The following CEMIP variants were observed in gnomAD, a reference collection of about 807,000 sequenced individuals.
CEMIP encodes cell migration inducing hyaluronidase 1, also known as cell migration-inducing and hyaluronan-binding protein.
A neutral mutation model predicts 156.9 loss-of-function variants in CEMIP; 105 were observed. The observed-to-expected ratio is 0.67, with a 90% confidence interval of 0.57 to 0.79. The LOEUF is 0.79. CEMIP is among the 30% of genes least tolerant of loss of function. CEMIP has a pLI of 0.00. For synonymous variants in CEMIP, 676 were observed against 668.4 expected (o/e 1.01, Z -0.17); for missense variants, 1,457 against 1,769.4 (o/e 0.82, Z 3.17).
At chr15:80,897,093 C>T (rs145728456) in intron 12 of CEMIP, among the ~76,000 whole-genome samples, 148 of 152,012 alleles carry the variant, frequency 9.7e-4, no homozygotes, top group Admixed American at 1.6e-3. Flanking sequence ...ATGGCTGTTC[C>T]GCAAAGGAAA....
intron 1 of CEMIP, among the ~76,000 whole-genome samples, chr15:80,786,518 AC>A (rs1360567516): frequency 6.7e-6 from 1 of 150,008 alleles, no homozygotes; most frequent in Non-Finnish European, 1.5e-5. Context: ...GAGCCATTGC[AC>A]CCAGCCTGCT....
intron 1 of CEMIP, among the ~76,000 whole-genome samples, chr15:80,843,800 GC>G (rs1157683809): frequency 5.3e-5 from 8 of 152,146 alleles, no homozygotes; most frequent in Non-Finnish European, 1.2e-4. Flanking sequence ...CTGTCACCCA[GC>G]CCCCAGCAGC....
chr15:80,942,134 C>T, intron 26 of CEMIP, 81 bp downstream of exon 26: 1 of 1,501,778 alleles, frequency 6.7e-7, no homozygotes, highest in Non-Finnish European at 9.3e-7. Flanking sequence ...CGGGCCCAGA[C>T]CCAATTAGGT....
At chr15:80,896,489 C>G (rs1042402576) in intron 12 of CEMIP, 1 of 377,640 alleles carries the variant, frequency 2.6e-6, no homozygotes, top group Non-Finnish European at 5.2e-6. Flanking sequence ...AAGCATATGT[C>G]TGTCACCAAG....
At chr15:80,888,345 C>T (rs1459895927) in intron 8 of CEMIP, among the ~76,000 whole-genome samples, 1 of 152,022 alleles carries the variant, frequency 6.6e-6, no homozygotes, top group Non-Finnish European at 1.5e-5. Context: ...AGAGCTAAAG[C>T]GACACTTTAG....
chr15:80,854,309 G>A lies in CEMIP; in HGVS notation c.-175-19229G>A, dbSNP rs186531873. Among the ~76,000 whole-genome samples the A allele has an allele frequency of 4.0e-3, 605 of 152,368 alleles. 4 individuals carry two copies. Among genetic ancestry groups the A allele is most frequent in the Non-Finnish European group, 7.1e-3 (483 of 68,042 alleles). ...AATGTAGCCAGAGCCTGAGGCGGGG[G>A]CTCTTCTCCCTGCCTGGCAACTTCT... On this transcript the variant is annotated intron_variant, in intron 1 of 29. Transcript: ENST00000394685.
At chr15:80,859,804 G>A (rs770815370) in intron 1 of CEMIP, among the ~76,000 whole-genome samples, 10 of 152,218 alleles carry the variant, frequency 6.6e-5, no homozygotes, top group South Asian at 6.2e-4. Flanking sequence ...TTTTCCTTTA[G>A]TTGGTGGAGA....
Position 80,922,078 on chromosome 15 carries a change from T to C in CEMIP, c.2143T>C (p.Tyr715His). ...GPSVGMYSPG[Y>H]SEHIPLGKFY... ...CTCCGTGGGAATGTACTCCCCAGGT[T>C]ATTCAGAGCACATTCCACTGGGAAA... The change falls in exon 17 of 30, where the codon TAT becomes CAT. Residue 715 changes from tyrosine (Y) to histidine (H), a missense_variant. Physicochemically the swap from Tyr to His is moderately conservative, Grantham distance 83. Around this residue, in one of 5 missense-constraint regions of CEMIP, gnomAD observed 798 missense variants for 980.1 expected, o/e 0.81. Coordinates refer to ENST00000394685, the MANE Select transcript of CEMIP (RefSeq NM_001293298.2). 1 of 1,614,168 alleles carries C rather than the reference T, an allele frequency of 6.2e-7. No homozygotes were observed.
chr15:80,871,586 C>T (rs1425027344), intron 1 of CEMIP, among the ~76,000 whole-genome samples: 6 of 152,296 alleles, frequency 3.9e-5, no homozygotes, highest in African/African-American at 1.4e-4. Flanking sequence ...TGCCCCCGCC[C>T]AGCCTGCCTC....
chr15:80,861,929 G>A (rs1274326705), intron 1 of CEMIP, among the ~76,000 whole-genome samples: 1 of 152,188 alleles, frequency 6.6e-6, no homozygotes, highest in Non-Finnish European at 1.5e-5. Context: ...TGAACTCTGT[G>A]ATCTAGCTGC....
chr15:80,865,713 A>C (rs1296451334), intron 1 of CEMIP, among the ~76,000 whole-genome samples: 1 of 150,452 alleles, frequency 6.6e-6, no homozygotes, highest in Non-Finnish European at 1.5e-5. Context: ...GTGGCCCAAG[A>C]CAATTCTTCT....
chr15:80,860,066 C>T (rs1897948901), intron 1 of CEMIP, among the ~76,000 whole-genome samples: 1 of 152,166 alleles, frequency 6.6e-6, no homozygotes, highest in South Asian at 2.1e-4. Flanking sequence ...TACACATTTT[C>T]TAGACCTTTC....
At chr15:80,808,212 G>A (rs1012654459) in intron 1 of CEMIP, among the ~76,000 whole-genome samples, 2 of 152,142 alleles carry the variant, frequency 1.3e-5, no homozygotes, top group African/African-American at 2.4e-5. Context: ...TTCAGTATCC[G>A]GCATGTTAGG....
chr15:80,835,765 G>A (rs374306287), intron 1 of CEMIP, among the ~76,000 whole-genome samples: 1 of 152,162 alleles, frequency 6.6e-6, no homozygotes, highest in East Asian at 1.9e-4. Context: ...TTGCAGGCTG[G>A]TGCTATGATC....
At chr15:80,901,350 T>C (rs1596173892) in intron 12 of CEMIP, among the ~76,000 whole-genome samples, 1 of 152,188 alleles carries the variant, frequency 6.6e-6, no homozygotes, top group African/African-American at 2.4e-5. Context: ...ATTTCCAATA[T>C]GGTGGCCACG....
intron 25 of CEMIP, among the ~76,000 whole-genome samples, chr15:80,941,146 C>T (rs1901319785): frequency 6.6e-6 from 1 of 152,114 alleles, no homozygotes; most frequent in Non-Finnish European, 1.5e-5. Context: ...TGACTGGACT[C>T]AGTGAAGGGT....
At chr15:80,819,705 A>T (rs969427896) in intron 1 of CEMIP, among the ~76,000 whole-genome samples, 39 of 152,244 alleles carry the variant, frequency 2.6e-4, no homozygotes, top group Non-Finnish European at 4.6e-4. Flanking sequence ...GAAAGAAAGG[A>T]TCTTCTCTTA....
At chr15:80,918,582 G>T (rs538288957) in intron 14 of CEMIP, among the ~76,000 whole-genome samples, 2 of 152,308 alleles carry the variant, frequency 1.3e-5, no homozygotes, top group East Asian at 3.9e-4. Context: ...TGCTTGGCAT[G>T]GTGGCAGGTA....
At chr15:80,854,022 AAC>A (rs1428435706) in intron 1 of CEMIP, among the ~76,000 whole-genome samples, 1 of 152,250 alleles carries the variant, frequency 6.6e-6, no homozygotes, top group East Asian at 1.9e-4. Flanking sequence ...CAGAGGCAGG[AAC>A]AAGCTGGAGT....
Sources: gnomAD v4.1 joint callset for allele counts (sites outside exome capture counted in the v4.1 genomes callset) on GRCh38, gnomAD v4.1.1 for gene constraint, gnomAD v4.1.1 regional missense constraint, MANE v1.5 for transcripts, NCBI Gene and HGNC (gene_info 2026-07-23, HGNC 2026-07-21) for gene names.